Variants in GPHN observed in about 807,000 individuals in gnomAD.
GPHN encodes the protein gephyrin.
In GPHN, 17 loss-of-function variants were observed where a neutral mutation model predicts 95.5. That is an observed-to-expected ratio of 0.18 (90% CI 0.12 to 0.27). The LOEUF (loss-of-function observed/expected upper bound fraction) is 0.27, where lower values mean the gene tolerates loss of function less well. Ranked by LOEUF, GPHN falls within the 10% of genes least tolerant of loss-of-function variation. GPHN has a pLI of 1.00. For missense variants in GPHN, 660 were observed against 978.1 expected (o/e 0.67, Z 4.34); for synonymous variants, 320 against 322.5 (o/e 0.99, Z 0.08).
chr14:67,201,371 G>A, the GPHN span: 2 of 444,126 alleles, frequency 4.5e-6, no homozygotes, highest in African/African-American at 2.0e-5. Flanking sequence ...GAGCCCCAGG[G>A]CATCAGCTCA....
the GPHN span, chr14:67,364,445 T>G: frequency 4.4e-6 from 1 of 225,822 alleles, no homozygotes; most frequent in African/African-American, 2.3e-5. Context: ...TAAAGTAGTA[T>G]TTTACTCTTG....
At chr14:67,585,610 G>A in the GPHN span, 1 of 1,585,156 alleles carries the variant, frequency 6.3e-7, no homozygotes, top group Non-Finnish European at 8.6e-7. Flanking sequence ...GGTGTGGATT[G>A]CTGTGAATGA....
At chr14:67,193,930 G>A in the GPHN span, among the ~76,000 whole-genome samples, 40 of 110,256 alleles carry the variant, frequency 3.6e-4, no homozygotes, top group Non-Finnish European at 4.1e-4. Context: ...GTGTGACAGA[G>A]CAAGACCCTG....
At chr14:67,730,927 C>G in the GPHN span, among the ~76,000 whole-genome samples, 1 of 151,962 alleles carries the variant, frequency 6.6e-6, no homozygotes, top group Admixed American at 6.6e-5. Context: ...ATAAGGGATG[C>G]TCAACCTATA....
intron 18 of GPHN, among the ~76,000 whole-genome samples, chr14:67,145,769 A>G (rs141410540): frequency 6.6e-6 from 1 of 152,358 alleles, no homozygotes; most frequent in East Asian, 1.9e-4. Context: ...CTAAAAAGAC[A>G]GGGAAATCAA....
chr14:66,926,639 A>T (rs1296998258), intron 8 of GPHN, among the ~76,000 whole-genome samples: 2 of 152,226 alleles, frequency 1.3e-5, no homozygotes, highest in East Asian at 3.9e-4. Flanking sequence ...ACCATGATGT[A>T]TTAGCTACTA....
chr14:67,024,248 A>G (rs575945613), intron 10 of GPHN, among the ~76,000 whole-genome samples: 7 of 152,316 alleles, frequency 4.6e-5, no homozygotes, highest in African/African-American at 1.7e-4. Flanking sequence ...CTGTCTTATA[A>G]AAAGGAACTA....
the GPHN span, among the ~76,000 whole-genome samples, chr14:67,630,496 C>T: frequency 5.9e-5 from 9 of 152,316 alleles, 1 homozygote; most frequent in East Asian, 1.9e-4. Flanking sequence ...CTGCGGGACA[C>T]GGTTCTGCTT....
the GPHN span, among the ~76,000 whole-genome samples, chr14:67,412,916 C>G: frequency 6.6e-6 from 1 of 151,976 alleles, no homozygotes; most frequent in East Asian, 1.9e-4. Context: ...AGTGCACCAC[C>G]ATGCCTGGCT....
the GPHN span, chr14:67,345,617 C>T: frequency 1.8e-6 from 1 of 555,662 alleles, no homozygotes; most frequent in Non-Finnish European, 3.2e-6. Context: ...GCCATCACTT[C>T]AGAAATCAAA....
At chr14:66,634,614 G>A (rs1340009286) in intron 1 of GPHN, among the ~76,000 whole-genome samples, 3 of 152,212 alleles carry the variant, frequency 2.0e-5, no homozygotes, top group South Asian at 2.1e-4. Flanking sequence ...TCCCTGGGCC[G>A]GGCTACACAG....
the GPHN span, among the ~76,000 whole-genome samples, chr14:67,222,689 T>C: frequency 2.6e-5 from 4 of 152,188 alleles, no homozygotes; most frequent in African/African-American, 4.8e-5. Context: ...GGTTGTCTTA[T>C]AGGCACCTCT....
intron 1 of GPHN, among the ~76,000 whole-genome samples, chr14:66,658,862 CTT>C (rs1306671329): frequency 1.3e-5 from 2 of 149,806 alleles, no homozygotes; most frequent in African/African-American, 4.9e-5. Context: ...CTGTTTTTCT[CTT>C]TGTCAGTCTT....
At chr14:67,732,124 C>T in the GPHN span, among the ~76,000 whole-genome samples, 1 of 110,534 alleles carries the variant, frequency 9.0e-6, no homozygotes, top group Non-Finnish European at 1.8e-5. Flanking sequence ...GAGACTCTGT[C>T]TCAAAAAAAA....
intron 3 of GPHN, among the ~76,000 whole-genome samples, chr14:66,806,288 A>G (rs2060538964): frequency 6.6e-6 from 1 of 151,996 alleles, no homozygotes; most frequent in Non-Finnish European, 1.5e-5. Context: ...CCATAAAACC[A>G]CTTTTTCCTC....
At chr14:67,585,877 G>C in the GPHN span, 1 of 1,471,508 alleles carries the variant, frequency 6.8e-7, no homozygotes, top group Admixed American at 1.9e-5. Flanking sequence ...GCCTAGAAGA[G>C]ACAGGGGATG....
the GPHN span, chr14:67,727,457 C>T: frequency 2.4e-6 from 1 of 410,286 alleles, no homozygotes; most frequent in Non-Finnish European, 4.5e-6. Context: ...TAGCTTTTTG[C>T]AACAGACAGA....
chr14:67,470,220 TGAGAA>T, the GPHN span: 1 of 152,112 alleles, frequency 6.6e-6, no homozygotes, highest in Non-Finnish European at 1.5e-5. Flanking sequence ...CAGGAGCCCC[TGAGAA>T]AGTGGCTCCA....
chr14:66,760,987 C>T, intron 2 of GPHN: 1 of 609,656 alleles, frequency 1.6e-6, no homozygotes, highest in Non-Finnish European at 3.2e-6. Flanking sequence ...TAGCAGTTAC[C>T]AGAGGATGTG....
Sources: gnomAD v4.1 joint callset for allele counts (sites outside exome capture counted in the v4.1 genomes callset) on GRCh38, gnomAD v4.1.1 for gene constraint, MANE v1.5 for transcripts, NCBI Gene and HGNC (gene_info 2026-07-23, HGNC 2026-07-21) for gene names.